The following PRDM1 variants were observed in gnomAD, a reference collection of about 807,000 sequenced individuals.
PRDM1 encodes the protein PR/SET domain 1.
In PRDM1, 13 loss-of-function variants were observed where a neutral mutation model predicts 62.8. That is an observed-to-expected ratio of 0.21 (90% confidence interval 0.13 to 0.33). The LOEUF (loss-of-function observed/expected upper bound fraction) is 0.33, where lower values mean the gene tolerates loss of function less well. PRDM1 is among the 10% of genes least tolerant of loss of function. The probability of loss-of-function intolerance (pLI) is 1.00; values close to 1 mark genes in which losing one functional copy is unlikely to be tolerated. For synonymous variants in PRDM1, 396 were observed against 417.6 expected (o/e 0.95, Z 0.63); for missense variants, 895 against 1,058.8 (o/e 0.85, Z 2.15).
In PRDM1 at chr6:106,105,200, T is replaced by C. The variant is rs771699305; in HGVS notation, c.1040T>C (p.Leu347Pro). The C allele has an allele frequency of 4.0e-5, 64 of 1,613,398 alleles. 1 individual carries two copies. Among genetic ancestry groups the C allele is most frequent in the Non-Finnish European group, 8.5e-7 (1 of 1,179,944 alleles). ...GCAAGAAGCAGCCCCGACCAAAGCC[T>C]CAAGAGCTCCAGCCCTCACAGCAGC... The part of the protein sequence containing the change: ...PSARSSPDQS[L>P]KSSSPHSSPG... The change falls in exon 5 of 7, where the codon CTC (leucine) becomes CCC (proline). Residue 347 changes from leucine (L) to proline (P), a missense_variant. Leu to Pro is a moderately conservative substitution (Grantham distance 98, BLOSUM62 -3). Around this residue, in one of 4 missense-constraint regions of PRDM1, gnomAD observed 444 missense variants for 422.7 expected, o/e 1.05. Coordinates refer to ENST00000369096, the MANE Select transcript of PRDM1 (RefSeq NM_001198.4).
Position 106,108,641 on chromosome 6 carries a change from C to T in PRDM1, c.*1155C>T, listed in dbSNP as rs1405990791. 1 of 227,016 alleles carries T rather than the reference C, an allele frequency of 4.4e-6. No homozygotes were observed. Among genetic ancestry groups the T allele is most frequent in the Admixed American group, 6.0e-5 (1 of 16,774 alleles). 14.1% of individuals were successfully genotyped at this position (227,016 alleles called of 1,614,324 possible). On this transcript the variant is annotated 3_prime_UTR_variant, in exon 7 of 7. Coordinates refer to ENST00000369096, the MANE Select transcript of PRDM1 (RefSeq NM_001198.4). ...AAACAAACACACAAACAACAAAAAA[C>T]GGGTATTCTAGTCATCTTGGGGTAA...
intron 1 of PRDM1, among the ~76,000 whole-genome samples, chr6:106,013,122 A>C (rs914960070): frequency 6.6e-6 from 1 of 151,730 alleles, no homozygotes; most frequent in East Asian, 2.0e-4. Context: ...GTCCTCAATC[A>C]AGCCAACCTC....
At chr6:106,038,691 CT>C (rs34021067) in intron 1 of PRDM1, among the ~76,000 whole-genome samples, 3 of 152,188 alleles carry the variant, frequency 2.0e-5, no homozygotes, top group African/African-American at 7.2e-5. Flanking sequence ...GATAGAGTCC[CT>C]TTTGCACACC....
At chr6:106,080,628 T>C (rs1378801558) in intron 1 of PRDM1, among the ~76,000 whole-genome samples, 3 of 152,206 alleles carry the variant, frequency 2.0e-5, no homozygotes, top group African/African-American at 7.2e-5. Flanking sequence ...CAGCAACAAG[T>C]AGCTTGGATT....
Position 106,095,169 on chromosome 6 carries a change from A to C in PRDM1, c.292-446A>C, listed in dbSNP as rs969429912. ...GAACATTATTTTGGTTTCTGAGGTC[A>C]GAACTATTTTATTCCCCTCAAGCAC... On this transcript the variant is annotated intron_variant, in intron 2 of 6. Coordinates refer to ENST00000369096, the MANE Select transcript of PRDM1 (RefSeq NM_001198.4). Among the ~76,000 whole-genome samples, 8 of 152,310 alleles carry C rather than the reference A, an allele frequency of 5.3e-5. No individual in the cohort carries two copies. The South Asian group carries it at 1.7e-3, about 32-fold the overall frequency.
chr6:106,098,600 T>C (rs1459934265), intron 3 of PRDM1: 4 of 1,313,782 alleles, frequency 3.0e-6, no homozygotes. Flanking sequence ...TCTGGACATG[T>C]TTATCAAGAG....
At chr6:106,104,476 G>T (rs1405604911) in intron 4 of PRDM1, among the ~76,000 whole-genome samples, 1 of 152,188 alleles carries the variant, frequency 6.6e-6, no homozygotes, top group Non-Finnish European at 1.5e-5. Flanking sequence ...CTCCCAAAGT[G>T]CTGGGATTAC....
intron 1 of PRDM1, among the ~76,000 whole-genome samples, chr6:105,998,910 TA>T (rs1562141176): frequency 8.6e-4 from 8 of 9,306 alleles, no homozygotes; most frequent in Non-Finnish European, 1.4e-3. Flanking sequence ...TATATATATA[TA>T]TATATATATA....
At chr6:105,999,246 G>A (rs2114540644) in intron 1 of PRDM1, among the ~76,000 whole-genome samples, 1 of 150,630 alleles carries the variant, frequency 6.6e-6, no homozygotes. Flanking sequence ...GCCCAAATAT[G>A]TTTTTTCATA....
intron 1 of PRDM1, among the ~76,000 whole-genome samples, chr6:106,056,024 A>G (rs923498518): frequency 6.6e-6 from 1 of 152,196 alleles, no homozygotes; most frequent in African/African-American, 2.4e-5. Context: ...AACTCAAGGA[A>G]AAACACATTG....
intron 1 of PRDM1, among the ~76,000 whole-genome samples, chr6:106,033,338 A>C (rs1316303002): frequency 1.4e-5 from 2 of 147,954 alleles, no homozygotes; most frequent in Admixed American, 6.7e-5. Context: ...TTTTTTGTAG[A>C]GACAGAATCT....
chr6:106,017,356 G>A (rs181095576), intron 1 of PRDM1, among the ~76,000 whole-genome samples: 20 of 152,304 alleles, frequency 1.3e-4, no homozygotes, highest in Non-Finnish European at 2.1e-4. Context: ...CTGTAGAAAT[G>A]TATCCATTTT....
chr6:106,060,054 G>C (rs1042454607), intron 1 of PRDM1, among the ~76,000 whole-genome samples: 7 of 152,190 alleles, frequency 4.6e-5, no homozygotes, highest in African/African-American at 1.7e-4. Flanking sequence ...ATGCTCAGGG[G>C]AGTGTTCCAG....
intron 1 of PRDM1, among the ~76,000 whole-genome samples, chr6:106,041,393 A>G (rs1772992457): frequency 6.6e-6 from 1 of 152,232 alleles, no homozygotes; most frequent in Admixed American, 6.5e-5. Context: ...TCAAATAATG[A>G]TTAAGAAAAA....
At chr6:105,998,173 T>C (rs1334695434) in intron 1 of PRDM1, among the ~76,000 whole-genome samples, 2 of 152,240 alleles carry the variant, frequency 1.3e-5, no homozygotes, top group African/African-American at 4.8e-5. Context: ...CATTTCACAT[T>C]TGAAATATCT....
At chr6:105,995,681 T>C (rs951128776) in intron 1 of PRDM1, among the ~76,000 whole-genome samples, 2 of 152,162 alleles carry the variant, frequency 1.3e-5, no homozygotes, top group Non-Finnish European at 2.9e-5. Flanking sequence ...AGGAAAATTA[T>C]TTAGTTATTT....
upstream of PRDM1, chr6:106,046,448 A>C (rs1448390408): frequency 1.3e-5 from 2 of 152,296 alleles, no homozygotes; most frequent in Non-Finnish European, 2.9e-5. Flanking sequence ...TAGGAGAAGC[A>C]GGGCCTTTCT....
intron 1 of PRDM1, among the ~76,000 whole-genome samples, chr6:106,028,283 G>T (rs1772793126): frequency 6.6e-6 from 1 of 152,162 alleles, no homozygotes; most frequent in South Asian, 2.1e-4. Flanking sequence ...CAAGACTAAG[G>T]TTATGTCCAA....
chr6:106,062,920 C>A (rs1296166193), intron 1 of PRDM1, among the ~76,000 whole-genome samples: 1 of 152,106 alleles, frequency 6.6e-6, no homozygotes, highest in Non-Finnish European at 1.5e-5. Context: ...TTTCACCTCC[C>A]ACCCCCCAAA....
Sources: gnomAD v4.1 joint callset for allele counts (sites outside exome capture counted in the v4.1 genomes callset) on GRCh38, gnomAD v4.1.1 for gene constraint, gnomAD v4.1.1 regional missense constraint, MANE v1.5 for transcripts, NCBI Gene and HGNC (gene_info 2026-07-23, HGNC 2026-07-21) for gene names.